TTC29: variants seen among roughly 807,000 people sequenced by gnomAD.
TTC29 encodes the protein tetratricopeptide repeat protein 29.
A neutral mutation model predicts 58.1 loss-of-function variants in TTC29; 49 were observed. That is an observed-to-expected ratio of 0.84 (90% confidence interval 0.67 to 1.07). TTC29 has a LOEUF of 1.07. Ranked by LOEUF, TTC29 falls within the 50% of genes least tolerant of loss-of-function variation. The pLI is 0.00. For missense variants in TTC29, 582 were observed against 555.6 expected, an observed-to-expected ratio of 1.05 and a Z score of -0.48; for synonymous variants, 209 against 196.8, an observed-to-expected ratio of 1.06 and a Z score of -0.52.
intron 4 of TTC29, among the ~76,000 whole-genome samples, chr4:146,920,214 T>G (rs1251269621): frequency 6.6e-6 from 1 of 151,076 alleles, no homozygotes; most frequent in Admixed American, 6.6e-5. Context: ...TTAGAACTTT[T>G]TTAACCTTTT....
intron 8 of TTC29, among the ~76,000 whole-genome samples, chr4:146,836,149 T>C (rs1728494546): frequency 6.6e-6 from 1 of 152,142 alleles, no homozygotes; most frequent in Non-Finnish European, 1.5e-5. Context: ...TGTGAGATAA[T>C]ATAAAGTGCT....
intron 8 of TTC29, among the ~76,000 whole-genome samples, chr4:146,841,052 A>G (rs1172070799): frequency 6.6e-6 from 1 of 152,180 alleles, no homozygotes; most frequent in Non-Finnish European, 1.5e-5. Flanking sequence ...GATTTCAAAG[A>G]AAGTATTTAA....
intron 4 of TTC29, among the ~76,000 whole-genome samples, chr4:146,916,673 C>G (rs1734242735): frequency 6.6e-6 from 1 of 151,462 alleles, no homozygotes; most frequent in Admixed American, 6.6e-5. Flanking sequence ...GGGGCATCTA[C>G]TGGAAATTTA....
At chr4:146,930,104 T>TATATATACAC (rs1735223883) in intron 4 of TTC29, among the ~76,000 whole-genome samples, 2 of 129,780 alleles carry the variant, frequency 1.5e-5, no homozygotes, top group African/African-American at 6.3e-5. Flanking sequence ...TATATATATA[T>TATATATACAC]ATATATATAT....
At chr4:146,844,693 C>A (rs1729058112) in intron 8 of TTC29, among the ~76,000 whole-genome samples, 1 of 152,100 alleles carries the variant, frequency 6.6e-6, no homozygotes, top group African/African-American at 2.4e-5. Flanking sequence ...CAGCCCTTAA[C>A]CTTTTGCTAA....
chr4:146,728,308 G>A (rs1249744087), intron 11 of TTC29, among the ~76,000 whole-genome samples: 2 of 149,662 alleles, frequency 1.3e-5, no homozygotes, highest in African/African-American at 5.0e-5. Flanking sequence ...AAAAAAAAAA[G>A]ATTCCACGCA....
intron 11 of TTC29, among the ~76,000 whole-genome samples, chr4:146,713,544 T>C (rs1579503902): frequency 2.0e-5 from 3 of 152,110 alleles, no homozygotes. Flanking sequence ...ATCTGATGAG[T>C]AAAATAATCA....
intron 11 of TTC29, among the ~76,000 whole-genome samples, chr4:146,753,652 C>G (rs772113540): frequency 4.0e-4 from 61 of 152,224 alleles, no homozygotes; most frequent in Non-Finnish European, 5.9e-4. Context: ...TTGGAACCAA[C>G]CCAAATGTCC....
intron 10 of TTC29, among the ~76,000 whole-genome samples, chr4:146,817,634 A>G (rs1235383469): frequency 3.3e-5 from 5 of 152,188 alleles, no homozygotes; most frequent in African/African-American, 1.2e-4. Context: ...AGTCAATCCT[A>G]AGCCAAAAGA....
intron 11 of TTC29, among the ~76,000 whole-genome samples, chr4:146,713,224 A>C (rs1373679950): frequency 6.6e-6 from 1 of 151,570 alleles, no homozygotes; most frequent in Non-Finnish European, 1.5e-5. Context: ...TAGTCATGTG[A>C]AGTGTGGTTT....
chr4:146,814,389 C>A lies in TTC29; in HGVS notation c.1101+5736G>T, dbSNP rs913303741. Among the ~76,000 whole-genome samples the A allele has an allele frequency of 5.0e-5, 7 of 140,236 alleles. No homozygotes were observed. The South Asian group carries it at 1.6e-3, about 31-fold the overall frequency. 92.0% of individuals were successfully genotyped at this position (140,236 alleles called of 152,430 possible). A position where few individuals can be genotyped will look rare whatever the true frequency, so the allele number is the denominator to read the frequency against. ...TTGAGTCCAGGAGTTCAAGACCAGC[C>A]TGAGCAACACGACAAAACCCTGCTT... is the stretch of plus-strand genomic sequence containing the variant. On this transcript the variant is annotated intron_variant, in intron 10 of 12. Transcript: ENST00000325106.
intron 8 of TTC29, among the ~76,000 whole-genome samples, chr4:146,867,293 T>G (rs1239484781): frequency 3.9e-5 from 6 of 152,166 alleles, no homozygotes; most frequent in Non-Finnish European, 8.8e-5. Flanking sequence ...AGTAATTGAT[T>G]ACATACCACT....
At chr4:146,813,277 A>G (rs1190029885) in intron 10 of TTC29, among the ~76,000 whole-genome samples, 4 of 152,196 alleles carry the variant, frequency 2.6e-5, no homozygotes, top group African/African-American at 9.6e-5. Flanking sequence ...TCATTAGTCT[A>G]TGATTTTATT....
chr4:146,842,989 T>C (rs1728943407), intron 8 of TTC29, among the ~76,000 whole-genome samples: 1 of 152,108 alleles, frequency 6.6e-6, no homozygotes, highest in Non-Finnish European at 1.5e-5. Flanking sequence ...TCTGCCTCAT[T>C]TACAGTGTCT....
chr4:146,858,528 C>T (rs1023830878), intron 8 of TTC29, among the ~76,000 whole-genome samples: 11 of 152,122 alleles, frequency 7.2e-5, no homozygotes, highest in Admixed American at 6.6e-5. Context: ...AACATTTGTT[C>T]CTATGCTAAC....
chr4:146,731,155 T>C (rs1283621292), intron 11 of TTC29, among the ~76,000 whole-genome samples: 4 of 152,070 alleles, frequency 2.6e-5, no homozygotes, highest in African/African-American at 9.7e-5. Flanking sequence ...AGAGAATATA[T>C]ATTGAGCAGA....
intron 11 of TTC29, among the ~76,000 whole-genome samples, chr4:146,801,643 CAT>C (rs1491459083): frequency 1.3e-5 from 2 of 151,680 alleles, no homozygotes; most frequent in Non-Finnish European, 2.9e-5. Context: ...GGAAATAAAA[CAT>C]AAAAAGTATA....
intron 11 of TTC29, among the ~76,000 whole-genome samples, chr4:146,749,723 G>T (rs996178622): frequency 1.2e-4 from 18 of 152,130 alleles, no homozygotes; most frequent in Admixed American, 1.2e-3. Flanking sequence ...AACGCAAAGG[G>T]GTCAGCTTCA....
At chr4:146,779,303 A>G (rs962386274) in intron 11 of TTC29, among the ~76,000 whole-genome samples, 4 of 152,122 alleles carry the variant, frequency 2.6e-5, no homozygotes, top group African/African-American at 9.7e-5. Context: ...TTCTTTTATA[A>G]TTTGATTCCT....
Sources: allele counts gnomAD v4.1 joint callset (sites outside exome capture counted in the v4.1 genomes callset), GRCh38; gene constraint gnomAD v4.1.1; transcripts MANE v1.5; gene names NCBI Gene and HGNC (gene_info 2026-07-23, HGNC 2026-07-21).